The following NOTCH2 variants were observed in gnomAD, a reference collection of about 807,000 sequenced individuals.
The protein encoded by NOTCH2 is notch receptor 2, also known as neurogenic locus notch homolog protein 2.
In NOTCH2, 29 loss-of-function variants were observed where a neutral mutation model predicts 235.8. The ratio of observed to expected loss-of-function variants is 0.12; its 90% CI spans 0.09 to 0.17. NOTCH2 has a LOEUF of 0.17. Ranked by LOEUF, NOTCH2 falls within the 10% of genes least tolerant of loss-of-function variation. The probability of loss-of-function intolerance (pLI) is 1.00; values close to 1 mark genes in which losing one functional copy is unlikely to be tolerated. For synonymous variants in NOTCH2, 1,086 were observed against 1,141.5 expected (o/e 0.95, Z 0.98); for missense variants, 2,285 against 3,150.2 (o/e 0.73, Z 6.57).
intron 1 of NOTCH2, among the ~76,000 whole-genome samples, chr1:120,031,115 C>T (rs1402863751): frequency 6.6e-6 from 1 of 151,964 alleles, no homozygotes; most frequent in Non-Finnish European, 1.5e-5. Flanking sequence ...TCTAACCACA[C>T]CACTCTATGC....
At chr1:120,016,009 A>G (rs1353355837) in intron 2 of NOTCH2, among the ~76,000 whole-genome samples, 1 of 129,580 alleles carries the variant, frequency 7.7e-6, no homozygotes, top group African/African-American at 2.9e-5. Context: ...CAAGAAGGAA[A>G]AACAAAAAGA....
intron 22 of NOTCH2, among the ~76,000 whole-genome samples, chr1:119,930,974 G>A (rs1340457900): frequency 2.0e-5 from 3 of 147,484 alleles, no homozygotes; most frequent in Non-Finnish European, 3.0e-5. Context: ...ATGGTGGCGG[G>A]CGCTTGTAGT....
rs1553204370 is a variant in NOTCH2, at chr1:119,997,317, C to A, written c.431G>T (p.Trp144Leu). The change falls in exon 4 of 34, where the codon TGG (tryptophan) becomes TTG (leucine). Residue 144 changes from tryptophan to leucine, a missense_variant. Trp to Leu is a moderately conservative substitution (Grantham distance 61). Transcript: ENST00000256646. ...GGGATGAGACAGGCAGGCATCCGTC[C>A]ATTGGCACTCCTTACCTAAAGGAAG... ...QVGFTGKECQ[W>L]TDACLSHPCA... 6.2e-7 allele frequency: 1 copy of A among 1,613,874 alleles called. No individual in the cohort carries two copies. Among genetic ancestry groups the A allele is most frequent in the African/African-American group, 1.3e-5 (1 of 74,934 alleles).
chr1:119,924,876 G>A (rs1003742887), intron 25 of NOTCH2, among the ~76,000 whole-genome samples: 7 of 152,178 alleles, frequency 4.6e-5, no homozygotes, highest in African/African-American at 1.4e-4. Flanking sequence ...AATTAAGACC[G>A]GGAGGGTTCA....
chr1:119,962,381 G>C (rs587646838), intron 11 of NOTCH2, among the ~76,000 whole-genome samples: 20 of 152,270 alleles, frequency 1.3e-4, no homozygotes, highest in African/African-American at 4.8e-4. Context: ...CATGTCTGAG[G>C]AACAGCCCGG....
intron 2 of NOTCH2, among the ~76,000 whole-genome samples, chr1:120,006,452 C>A (rs1413068477): frequency 2.0e-5 from 3 of 147,308 alleles, no homozygotes; most frequent in Admixed American, 6.8e-5. Flanking sequence ...AGATGTACAA[C>A]CATTTCAAAC....
rs587616520 is a variant in NOTCH2, at chr1:119,915,365, G to C, written c.7357C>G (p.Arg2453Gly). 1 of 1,614,110 alleles carries C rather than the reference G, an allele frequency of 6.2e-7. No individual in the cohort carries two copies. Reference protein sequence around the residue: ...PTPGGAGGGQRGPGTHMSEPP... With the variant: ...PTPGGAGGGQGGPGTHMSEPP... ...TCAGACATGTGTGTCCCAGGTCCCCGCTGACCTCCTCCAGCACCCCCAGGG... is the reference window on the plus strand; with the variant it reads ...TCAGACATGTGTGTCCCAGGTCCCCCCTGACCTCCTCCAGCACCCCCAGGG... The change falls in exon 34 of 34, where the codon CGG becomes GGG. Residue 2453 changes from arginine to glycine, a missense_variant. By Grantham distance (125) the Arg-to-Gly change is moderately radical. Coordinates refer to ENST00000256646, the MANE Select transcript of NOTCH2 (RefSeq NM_024408.4).
chr1:119,943,866 G>C (rs1553196748), intron 17 of NOTCH2, among the ~76,000 whole-genome samples: 1 of 151,992 alleles, frequency 6.6e-6, no homozygotes, highest in African/African-American at 2.4e-5. Context: ...ATGACAAAGA[G>C]GGAGGTAACG....
intron 11 of NOTCH2, among the ~76,000 whole-genome samples, chr1:119,961,602 C>T (rs934238065): frequency 1.3e-5 from 2 of 152,242 alleles, no homozygotes; most frequent in Admixed American, 6.5e-5. Context: ...TTTCGCTAAG[C>T]TCTTTCTGTT....
intron 1 of NOTCH2, among the ~76,000 whole-genome samples, chr1:120,064,751 C>CA (rs200720209): frequency 0.044 from 3,688 of 84,050 alleles, 365 homozygotes; most frequent in African/African-American, 0.16. Flanking sequence ...TCTCTTGGTT[C>CA]AAAAAAAAAA....
intron 15 of NOTCH2, 100 bp from the exon 16 acceptor site, chr1:119,949,226 G>C (rs1390487418): frequency 8.1e-7 from 1 of 1,233,488 alleles, no homozygotes; most frequent in Non-Finnish European, 1.2e-6. Context: ...CAAAAGTCCT[G>C]ATTAAGAGGC....
intron 3 of NOTCH2, among the ~76,000 whole-genome samples, chr1:120,001,101 C>T (rs148799901): frequency 1.1e-4 from 17 of 152,216 alleles, no homozygotes; most frequent in African/African-American, 1.4e-4. Flanking sequence ...GCCACCACCA[C>T]GAAAGAAGTG....
At chr1:120,063,421 G>A (rs1553216568) in intron 1 of NOTCH2, among the ~76,000 whole-genome samples, 1 of 151,718 alleles carries the variant, frequency 6.6e-6, no homozygotes, top group African/African-American at 2.4e-5. Context: ...CACCAAAAAG[G>A]CTGTGGAACT....
Position 119,948,623 on chromosome 1 carries a change from T to C in NOTCH2, c.2600-57A>G, listed in dbSNP as rs1650345621. 2.5e-5 allele frequency: 40 copies of C among 1,600,660 alleles called. No homozygotes were observed. In the South Asian group the frequency reaches 3.9e-4, roughly 15 times the overall value. On this transcript the variant is annotated intron_variant, in intron 16 of 33. Coordinates refer to ENST00000256646, the MANE Select transcript of NOTCH2 (RefSeq NM_024408.4). ...CCTTGGAAGCTGATTCCCACAAAAA[T>C]CTACGCAGGACCTGAGCTTAGTTGG...
chr1:119,925,350 C>T lies in NOTCH2; in HGVS notation c.4466G>A (p.Cys1489Tyr), dbSNP rs2101161674. 6.2e-7 allele frequency: 1 copy of T among 1,614,104 alleles called. No homozygotes were observed. The highest frequency in any genetic ancestry group is 8.5e-7 in the Non-Finnish European group (1 of 1,180,024). ...QCDELCNTVE[C>Y]LFDNFECQGN... ...CTGGCATTCAAAGTTGTCAAACAGG[C>T]ACTCGACCGTGTTGCACAGCTCATC... The change falls in exon 25 of 34, where the codon TGC (cysteine) becomes TAC (tyrosine). Residue 1489 changes from cysteine to tyrosine, a missense_variant. Coordinates refer to ENST00000256646, the MANE Select transcript of NOTCH2 (RefSeq NM_024408.4).
intron 1 of NOTCH2, among the ~76,000 whole-genome samples, chr1:120,037,108 C>A (rs1394212082): frequency 2.0e-5 from 3 of 152,116 alleles, no homozygotes; most frequent in African/African-American, 7.2e-5. Flanking sequence ...GTCTATCTCA[C>A]ATGATTTTTT....
At chr1:119,937,238 A>G (rs782051109) in intron 21 of NOTCH2, 44 bp downstream of exon 21, 2 of 1,591,986 alleles carry the variant, frequency 1.3e-6, no homozygotes, top group Non-Finnish European at 1.7e-6. Context: ...CAGTTGTACA[A>G]TCTCCTGGGA....
chr1:119,969,303 A>G (rs1347392668), intron 6 of NOTCH2, among the ~76,000 whole-genome samples: 1 of 152,258 alleles, frequency 6.6e-6, no homozygotes, highest in Non-Finnish European at 1.5e-5. Context: ...TAAAGTATGT[A>G]GAGTTGAGAA....
At chr1:119,934,090 A>G (rs1649760855) in intron 22 of NOTCH2, among the ~76,000 whole-genome samples, 1 of 152,226 alleles carries the variant, frequency 6.6e-6, no homozygotes, top group Non-Finnish European at 1.5e-5. Flanking sequence ...AAGCTCTGAG[A>G]TTTGAGGTTT....
Sources: gnomAD v4.1 joint callset for allele counts (sites outside exome capture counted in the v4.1 genomes callset) on GRCh38, gnomAD v4.1.1 for gene constraint, MANE v1.5 for transcripts, NCBI Gene and HGNC (gene_info 2026-07-23, HGNC 2026-07-21) for gene names.